The following TBC1D4 variants were observed in gnomAD, a reference collection of about 807,000 sequenced individuals.
TBC1D4 encodes the protein TBC (Tre-2, BUB2, CDC16) domain-containing protein.
TBC1D4 carries 121 observed loss-of-function variants against 142.5 expected under a neutral mutation model. The ratio of observed to expected loss-of-function variants is 0.85; its 90% CI spans 0.73 to 0.99. TBC1D4 has a LOEUF of 0.99. Among genes scored for constraint, TBC1D4 ranks in the 50% least tolerant of loss-of-function variants. The pLI, the probability that TBC1D4 is intolerant of heterozygous loss-of-function variation, is 0.00. For synonymous variants in TBC1D4, 630 were observed against 628.2 expected, an observed-to-expected ratio of 1.00 and a Z score of -0.04; for missense variants, 1,475 against 1,606.6, an observed-to-expected ratio of 0.92 and a Z score of 1.40.
In TBC1D4 at chr13:75,481,487, A is replaced by ACGCAACGCAGGAAGGGCG; in HGVS notation, c.263_280dup (p.Ala88_Cys93dup). The ACGCAACGCAGGAAGGGCG allele has an allele frequency of 6.2e-7, 1 of 1,611,778 alleles. No individual in the cohort carries two copies. The highest frequency in any genetic ancestry group is 8.5e-7 in the Non-Finnish European group (1 of 1,179,054). ...CGAGGCCCCAGCGCCCGGCGCGGGG[A>ACGCAACGCAGGAAGGGCG]CGCAACGCAGGAAGGGCGCGCTGAG... On this transcript the variant is annotated inframe_insertion, in exon 1 of 21. Transcript: ENST00000377636.
At chr13:75,299,633 G>A (rs975819003) in intron 16 of TBC1D4, 59 bp from the exon 17 acceptor site, 2 of 1,601,652 alleles carry the variant, frequency 1.2e-6, no homozygotes, top group African/African-American at 2.7e-5. Context: ...GGAGACAACA[G>A]TGAAATTGCA....
chr13:75,344,259 C>T lies in TBC1D4; in HGVS notation c.1409-2672G>A, dbSNP rs190890691. ...GTTTTGTTTCCTGTTGTTTATTACT[C>T]AAGTGACTAACATGGAAGATAAAAG... On this transcript the variant is annotated intron_variant, in intron 5 of 20. Coordinates refer to ENST00000377636, the MANE Select transcript of TBC1D4 (RefSeq NM_014832.5). Among the ~76,000 whole-genome samples the T allele has an allele frequency of 2.1e-3, 313 of 152,160 alleles. 2 individuals carry two copies. The highest frequency in any genetic ancestry group is 3.4e-3 in the Non-Finnish European group (230 of 68,006).
chr13:75,476,823 T>C (rs1026363483), intron 1 of TBC1D4, among the ~76,000 whole-genome samples: 3 of 152,200 alleles, frequency 2.0e-5, no homozygotes, highest in African/African-American at 7.2e-5. Context: ...AGAGAACTTG[T>C]TAAATCAGAA....
intron 1 of TBC1D4, among the ~76,000 whole-genome samples, chr13:75,447,400 C>T (rs1887332675): frequency 6.6e-6 from 1 of 151,916 alleles, no homozygotes; most frequent in African/African-American, 2.4e-5. Flanking sequence ...AATGCTAAAA[C>T]AGATTCTTAT....
chr13:75,404,566 T>C (rs1391190132), intron 1 of TBC1D4, among the ~76,000 whole-genome samples: 1 of 152,170 alleles, frequency 6.6e-6, no homozygotes, highest in African/African-American at 2.4e-5. Context: ...TTCTCATGAT[T>C]AGACTGAGTG....
chr13:75,355,593 T>A (rs761096817), intron 4 of TBC1D4, among the ~76,000 whole-genome samples: 1 of 152,122 alleles, frequency 6.6e-6, no homozygotes, highest in Non-Finnish European at 1.5e-5. Flanking sequence ...TGCCTTGAAC[T>A]CCAATTACCT....
chr13:75,390,146 G>A (rs563053317), intron 1 of TBC1D4, among the ~76,000 whole-genome samples: 12 of 151,972 alleles, frequency 7.9e-5, no homozygotes, highest in South Asian at 4.2e-4. Flanking sequence ...TGGGCCTGGC[G>A]GCGGGCGCCT....
rs1880290544 is a variant in TBC1D4, at chr13:75,337,103, T to C, written c.1612-63A>G. The C allele has an allele frequency of 4.0e-6, 6 of 1,488,338 alleles. No homozygotes were observed. In the South Asian group the frequency reaches 5.7e-5, roughly 14 times the overall value. 92.2% of individuals were successfully genotyped at this position (1,488,338 alleles called of 1,614,324 possible). On this transcript the variant is annotated intron_variant, in intron 7 of 20. Coordinates refer to ENST00000377636, the MANE Select transcript of TBC1D4 (RefSeq NM_014832.5). ...TACTCAAGGTTAAATGAAACTTTAA[T>C]TATAGGCTTAAGACTAAGCTATTAA...
intron 13 of TBC1D4, 39 bp downstream of exon 13, chr13:75,312,699 A>T: frequency 1.2e-6 from 2 of 1,613,722 alleles, no homozygotes; most frequent in South Asian, 1.1e-5. Flanking sequence ...AATTTCTGAC[A>T]CTCAGAGGGA....
In TBC1D4 at chr13:75,478,469, G is replaced by A. The variant is rs149562886; in HGVS notation, c.498+2801C>T. Among the ~76,000 whole-genome samples the A allele has an allele frequency of 7.6e-3, 1,164 of 152,268 alleles. 7 individuals carry two copies. The highest frequency in any genetic ancestry group is 0.014 in the Admixed American group (218 of 15,296). On this transcript the variant is annotated intron_variant, in intron 1 of 20. Transcript: ENST00000377636. The stretch of plus-strand genomic sequence containing the variant: ...TTGCAGGTCTACTGCTCTAGGCTAC[G>A]TTTGTAGACTTTATAGACTCTGTCG...
intron 12 of TBC1D4, chr13:75,316,597 T>TC (rs1878337359): frequency 6.6e-6 from 1 of 152,320 alleles, no homozygotes; most frequent in Non-Finnish European, 1.5e-5. Context: ...GAAGTCAAGT[T>TC]CCCAATAAAC....
At position 75,310,029 on chromosome 13, in the gene TBC1D4, A is replaced by T; in HGVS notation, c.2506T>A (p.Ser836Thr). The T allele has an allele frequency of 6.2e-7, 1 of 1,613,992 alleles. No homozygotes were observed. The change falls in exon 14 of 21, where the codon TCA becomes ACA. Residue 836 changes from serine (S) to threonine (T), a missense_variant. Ser to Thr is a moderately conservative substitution (Grantham distance 58, BLOSUM62 1). This residue lies in a region of TBC1D4 where 1,227 missense variants were observed against 1,267.7 expected (regional missense o/e 0.97). Transcript: ENST00000377636. ...CTCCACAAGCTCCTCAGTTCTTTTG[A>T]TTTCTTTCTTTCTTCAATCTTTTCT... is the stretch of plus-strand genomic sequence containing the variant. ...DPEKIEERKKSKELRSLWRKA... is the reference protein window; with the variant it reads ...DPEKIEERKKTKELRSLWRKA...
rs1303649654 is a variant in TBC1D4, at chr13:75,481,908, C to G, written c.-141G>C. Reference sequence around the variant, plus strand: ...CCTGGGAGCGGCGCGACCCCGAACTCCGCGCTTCAGCAGCCCTGCCCCATG... The same window carrying G: ...CCTGGGAGCGGCGCGACCCCGAACTGCGCGCTTCAGCAGCCCTGCCCCATG... On this transcript the variant is annotated 5_prime_UTR_variant, in exon 1 of 21. Transcript: ENST00000377636. The G allele has an allele frequency of 7.9e-7, 1 of 1,260,112 alleles. No individual in the cohort carries two copies. Among genetic ancestry groups the G allele is most frequent in the Non-Finnish European group, 1.0e-6 (1 of 975,098 alleles). The allele number at this position is 1,260,112 out of a possible 1,614,324, so 78.1% of individuals were successfully genotyped here.
At chr13:75,476,276 T>A (rs896217886) in intron 1 of TBC1D4, among the ~76,000 whole-genome samples, 1 of 152,124 alleles carries the variant, frequency 6.6e-6, no homozygotes, top group Admixed American at 6.5e-5. Context: ...AAAAACTTCA[T>A]TTGTGTTTCT....
chr13:75,314,603 T>C (rs1878099464), intron 12 of TBC1D4, among the ~76,000 whole-genome samples: 1 of 152,174 alleles, frequency 6.6e-6, no homozygotes, highest in Non-Finnish European at 1.5e-5. Flanking sequence ...TATCTCAATA[T>C]AGTCAAACTC....
chr13:75,480,735 C>G (rs1017912519), intron 1 of TBC1D4, among the ~76,000 whole-genome samples: 1 of 152,248 alleles, frequency 6.6e-6, no homozygotes, highest in African/African-American at 2.4e-5. Context: ...AATTGCCTCC[C>G]AGACCGGAGA....
At chr13:75,365,371 G>T (rs1882851440) in intron 1 of TBC1D4, among the ~76,000 whole-genome samples, 1 of 149,574 alleles carries the variant, frequency 6.7e-6, no homozygotes, top group African/African-American at 2.5e-5. Flanking sequence ...GAAACACAGA[G>T]TATAAACACT....
intron 1 of TBC1D4, among the ~76,000 whole-genome samples, chr13:75,398,993 T>C (rs17064364): frequency 0.052 from 7,894 of 152,248 alleles, 678 homozygotes; most frequent in African/African-American, 0.18. Context: ...CAGAGTAGAC[T>C]GTAATTTGAT....
chr13:75,466,017 T>C (rs1888152199), intron 1 of TBC1D4, among the ~76,000 whole-genome samples: 1 of 152,242 alleles, frequency 6.6e-6, no homozygotes, highest in Non-Finnish European at 1.5e-5. Context: ...TGATGTCTCA[T>C]GTCTCCCTAA....
Sources: allele counts gnomAD v4.1 joint callset (sites outside exome capture counted in the v4.1 genomes callset), GRCh38; gene constraint gnomAD v4.1.1; regional missense constraint gnomAD v4.1.1; transcripts MANE v1.5; gene names NCBI Gene and HGNC (gene_info 2026-07-23, HGNC 2026-07-21).